Variants in PGCKA1 observed in about 807,000 individuals in gnomAD.
PGCKA1 encodes the protein PDCD10 and GCKIII kinases associated 1.
the PGCKA1 span, among the ~76,000 whole-genome samples, chr4:37,495,549 G>A: frequency 5.9e-3 from 901 of 152,276 alleles, 9 homozygotes; most frequent in African/African-American, 0.02. Context: ...ATGAGTTCAT[G>A]TCCTTTGCAG....
At chr4:37,523,008 G>C in the PGCKA1 span, among the ~76,000 whole-genome samples, 2 of 152,222 alleles carry the variant, frequency 1.3e-5, no homozygotes, top group South Asian at 4.1e-4. Flanking sequence ...AGTATGTCAG[G>C]TGCCCCCCAA....
chr4:37,488,765 C>T, the PGCKA1 span, among the ~76,000 whole-genome samples: 3 of 152,088 alleles, frequency 2.0e-5, no homozygotes, highest in Non-Finnish European at 4.4e-5. Flanking sequence ...TGATTATCTC[C>T]CCGCTTTCCT....
At chr4:37,580,505 A>G in the PGCKA1 span, among the ~76,000 whole-genome samples, 1 of 152,176 alleles carries the variant, frequency 6.6e-6, no homozygotes, top group African/African-American at 2.4e-5. Flanking sequence ...AAGCCCAGTA[A>G]TGCTATGGTT....
At chr4:37,558,763 C>A in the PGCKA1 span, among the ~76,000 whole-genome samples, 4 of 97,996 alleles carry the variant, frequency 4.1e-5, 1 homozygote, top group East Asian at 9.9e-4. Context: ...AAACAAACAA[C>A]CCCATCAAAA....
the PGCKA1 span, among the ~76,000 whole-genome samples, chr4:37,464,636 C>T: frequency 3.3e-5 from 5 of 152,290 alleles, no homozygotes; most frequent in South Asian, 1.0e-3. Context: ...CCTGGCTCCC[C>T]TCGTCTTGAC....
At chr4:37,475,069 C>A in the PGCKA1 span, among the ~76,000 whole-genome samples, 2 of 152,142 alleles carry the variant, frequency 1.3e-5, no homozygotes, top group Non-Finnish European at 2.9e-5. Flanking sequence ...GCTCTGCTAA[C>A]TTTCTTGCTT....
the PGCKA1 span, among the ~76,000 whole-genome samples, chr4:37,490,746 ATG>A: frequency 6.6e-6 from 1 of 152,124 alleles, no homozygotes; most frequent in Admixed American, 6.5e-5. Flanking sequence ...GTGTTTTTGC[ATG>A]TGTGTGTATA....
chr4:37,520,538 T>A, the PGCKA1 span, among the ~76,000 whole-genome samples: 6,262 of 152,356 alleles, frequency 0.041, 174 homozygotes, highest in Middle Eastern at 0.082. Flanking sequence ...ATTTTCCAAT[T>A]GATTGACATA....
chr4:37,461,866 G>T, the PGCKA1 span, among the ~76,000 whole-genome samples: 1 of 151,964 alleles, frequency 6.6e-6, no homozygotes, highest in Non-Finnish European at 1.5e-5. Context: ...GATGCAATCT[G>T]GGAGGCATTT....
At chr4:37,469,316 C>T in the PGCKA1 span, among the ~76,000 whole-genome samples, 1 of 152,210 alleles carries the variant, frequency 6.6e-6, no homozygotes, top group Non-Finnish European at 1.5e-5. Flanking sequence ...ATTATTTTCT[C>T]CTCAGTCAGC....
the PGCKA1 span, among the ~76,000 whole-genome samples, chr4:37,576,042 T>C: frequency 6.6e-6 from 1 of 152,218 alleles, no homozygotes; most frequent in Non-Finnish European, 1.5e-5. Flanking sequence ...TTCTTCCATT[T>C]TGTTTTTTTC....
At chr4:37,512,627 T>A in the PGCKA1 span, among the ~76,000 whole-genome samples, 1 of 152,000 alleles carries the variant, frequency 6.6e-6, no homozygotes, top group Non-Finnish European at 1.5e-5. Context: ...CTAATTTTTT[T>A]ATATTTTTAG....
chr4:37,510,634 CA>C, the PGCKA1 span, among the ~76,000 whole-genome samples: 17,920 of 152,024 alleles, frequency 0.12, 1,193 homozygotes, highest in East Asian at 0.33. Flanking sequence ...TGACCACTAC[CA>C]CTAGGACTGC....
chr4:37,568,935 TTAATAAA>T, the PGCKA1 span, among the ~76,000 whole-genome samples: 1 of 151,890 alleles, frequency 6.6e-6, no homozygotes, highest in African/African-American at 2.4e-5. Context: ...ACCAAAAAAA[TTAATAAA>T]TAAAAATAGC....
the PGCKA1 span, among the ~76,000 whole-genome samples, chr4:37,536,575 C>T: frequency 1.3e-5 from 2 of 152,172 alleles, no homozygotes; most frequent in African/African-American, 2.4e-5. Flanking sequence ...TCCAAGCTCA[C>T]TCGTGTGACT....
At chr4:37,487,828 T>C in the PGCKA1 span, among the ~76,000 whole-genome samples, 1 of 152,210 alleles carries the variant, frequency 6.6e-6, no homozygotes, top group African/African-American at 2.4e-5. Context: ...TGGTTTTGTG[T>C]TTTGTTGATG....
chr4:37,481,525 A>AG, the PGCKA1 span, among the ~76,000 whole-genome samples: 2 of 145,020 alleles, frequency 1.4e-5, no homozygotes, highest in Admixed American at 1.4e-4. Context: ...AGGTATCAGC[A>AG]GGTTTGGATT....
the PGCKA1 span, among the ~76,000 whole-genome samples, chr4:37,564,287 AAAAG>A: frequency 5.0e-4 from 66 of 133,100 alleles, no homozygotes; most frequent in African/African-American, 1.9e-3. Context: ...AAAAAAAAAA[AAAAG>A]AAAGAAAAAA....
chr4:37,517,309 A>G, the PGCKA1 span, among the ~76,000 whole-genome samples: 5 of 145,994 alleles, frequency 3.4e-5, no homozygotes, highest in African/African-American at 1.2e-4. Context: ...ATATATATAA[A>G]TATATATATA....
Sources: gnomAD v4.1 joint callset for allele counts (sites outside exome capture counted in the v4.1 genomes callset) on GRCh38, gnomAD v4.1.1 for gene constraint, MANE v1.5 for transcripts, NCBI Gene and HGNC (gene_info 2026-07-23, HGNC 2026-07-21) for gene names.